Variants in PTPRK observed in about 807,000 individuals in gnomAD.
PTPRK encodes the protein protein tyrosine phosphatase receptor type K.
Under a neutral mutation model 178.0 loss-of-function variants are expected in PTPRK, and 75 were observed. The ratio of observed to expected loss-of-function variants is 0.42; its 90% CI spans 0.35 to 0.51. PTPRK has a LOEUF of 0.51. PTPRK is among the 20% of genes least tolerant of loss of function. The probability of loss-of-function intolerance (pLI) is 0.02; values close to 1 mark genes in which losing one functional copy is unlikely to be tolerated. For synonymous variants in PTPRK, 637 were observed against 620.6 expected, an observed-to-expected ratio of 1.03 and a Z score of -0.39; for missense variants, 1,441 against 1,797.8, an observed-to-expected ratio of 0.80 and a Z score of 3.59.
intron 2 of PTPRK, among the ~76,000 whole-genome samples, chr6:128,380,146 T>C (rs1254081060): frequency 6.6e-6 from 1 of 151,998 alleles, no homozygotes; most frequent in Non-Finnish European, 1.5e-5. Flanking sequence ...AAAGATGTGT[T>C]CATCAATAAC....
chr6:128,415,417 TAA>T (rs1842737867), intron 1 of PTPRK, among the ~76,000 whole-genome samples: 1 of 151,480 alleles, frequency 6.6e-6, no homozygotes, highest in South Asian at 2.1e-4. Flanking sequence ...TTTTAATGAA[TAA>T]GTTAGCTATT....
intron 1 of PTPRK, among the ~76,000 whole-genome samples, chr6:128,400,890 G>C (rs1250544529): frequency 6.6e-6 from 1 of 152,166 alleles, no homozygotes; most frequent in Non-Finnish European, 1.5e-5. Context: ...GCAGATGGCA[G>C]AACAGAAAGA....
intron 24 of PTPRK, among the ~76,000 whole-genome samples, chr6:127,982,304 G>A (rs774770008): frequency 2.6e-5 from 4 of 150,988 alleles, no homozygotes; most frequent in Non-Finnish European, 4.4e-5. Context: ...ACGGAGTCTC[G>A]CTCTGTTGCC....
At chr6:128,341,662 C>G (rs907690627) in intron 2 of PTPRK, among the ~76,000 whole-genome samples, 1 of 152,156 alleles carries the variant, frequency 6.6e-6, no homozygotes, top group African/African-American at 2.4e-5. Context: ...GAACTTGATG[C>G]TAGGAAAGGC....
intron 3 of PTPRK, among the ~76,000 whole-genome samples, chr6:128,249,649 G>A (rs184507102): frequency 3.9e-4 from 59 of 152,262 alleles, no homozygotes; most frequent in African/African-American, 1.4e-3. Flanking sequence ...GTGACCTTTG[G>A]AAGTGGTGAG....
intron 1 of PTPRK, among the ~76,000 whole-genome samples, chr6:128,424,995 A>ACAT (rs1843942078): frequency 6.6e-6 from 1 of 151,600 alleles, no homozygotes; most frequent in South Asian, 2.1e-4. Context: ...GTGTTTGATT[A>ACAT]CATGAATAAG....
chr6:128,488,033 C>T lies in PTPRK; in HGVS notation c.100+32226G>A, dbSNP rs182170651. ...AAGGTGAAGTTCCACAATAGGCCGT[C>T]TACAAGCTGAGAAGCAAGGAAGCCA... On this transcript the variant is annotated intron_variant, in intron 1 of 29. Coordinates refer to ENST00000368226, the MANE Select transcript of PTPRK (RefSeq NM_002844.4). 5.9e-5 allele frequency among the ~76,000 whole-genome samples: 9 copies of T among 152,264 alleles called. No homozygotes were observed. The East Asian group carries it at 1.5e-3, about 26-fold the overall frequency.
intron 13 of PTPRK, among the ~76,000 whole-genome samples, chr6:128,034,562 A>T (rs1775893737): frequency 6.6e-6 from 1 of 152,210 alleles, no homozygotes; most frequent in Non-Finnish European, 1.5e-5. Flanking sequence ...GGGGGAAAAA[A>T]ATCAAAAGCA....
chr6:128,456,160 G>A (rs1042280985), intron 1 of PTPRK, among the ~76,000 whole-genome samples: 27 of 151,960 alleles, frequency 1.8e-4, no homozygotes, highest in African/African-American at 6.5e-4. Context: ...TCGATACTCT[G>A]AAAATCTGCC....
At chr6:128,029,687 A>ATC (rs1554272726) in intron 13 of PTPRK, among the ~76,000 whole-genome samples, 275 of 140,156 alleles carry the variant, frequency 2.0e-3, no homozygotes, top group Non-Finnish European at 3.4e-3. Context: ...TAATAATAAT[A>ATC]ATCCAGCCTC....
At chr6:128,208,917 T>C (rs1220850706) in intron 6 of PTPRK, among the ~76,000 whole-genome samples, 1 of 152,112 alleles carries the variant, frequency 6.6e-6, no homozygotes, top group Non-Finnish European at 1.5e-5. Flanking sequence ...TGAGTTCTTC[T>C]ACAAGGCTTC....
chr6:128,241,258 G>A (rs376386960), intron 4 of PTPRK: 1 of 533,250 alleles, frequency 1.9e-6, no homozygotes, highest in African/African-American at 1.9e-5. Context: ...GAATTCTTGA[G>A]TTAGAACATG....
At chr6:128,368,913 T>C (rs780906338) in intron 2 of PTPRK, among the ~76,000 whole-genome samples, 8 of 151,534 alleles carry the variant, frequency 5.3e-5, no homozygotes, top group African/African-American at 1.2e-4. Flanking sequence ...CTCTTCACTC[T>C]ATTTAAAAAA....
At chr6:128,416,804 A>T (rs1343594631) in intron 1 of PTPRK, among the ~76,000 whole-genome samples, 1 of 151,918 alleles carries the variant, frequency 6.6e-6, no homozygotes, top group East Asian at 1.9e-4. Context: ...AGATTGCAGA[A>T]GGCCATCCAC....
chr6:128,360,493 A>G (rs1394874484), intron 2 of PTPRK, among the ~76,000 whole-genome samples: 1 of 152,212 alleles, frequency 6.6e-6, no homozygotes, highest in Non-Finnish European at 1.5e-5. Context: ...CTGCTATTAT[A>G]TAACGTCAAG....
chr6:128,289,440 A>T (rs1053750740), intron 3 of PTPRK, among the ~76,000 whole-genome samples: 5 of 152,218 alleles, frequency 3.3e-5, no homozygotes, highest in Admixed American at 1.3e-4. Context: ...AAGTATTGAA[A>T]TAGAATGTCT....
intron 11 of PTPRK, among the ~76,000 whole-genome samples, chr6:128,076,113 A>T (rs1783765570): frequency 6.6e-6 from 1 of 151,998 alleles, no homozygotes; most frequent in African/African-American, 2.4e-5. Context: ...GAAAAAATTG[A>T]GTGGAAAGTA....
At chr6:128,291,305 A>G (rs893461961) in intron 3 of PTPRK, among the ~76,000 whole-genome samples, 3 of 152,132 alleles carry the variant, frequency 2.0e-5, no homozygotes, top group African/African-American at 7.2e-5. Context: ...ACAAAAGCCA[A>G]GATTCTTTCC....
intron 7 of PTPRK, among the ~76,000 whole-genome samples, chr6:128,105,121 C>CACTTATTT (rs1238847176): frequency 1.3e-5 from 2 of 151,324 alleles, no homozygotes; most frequent in African/African-American, 4.8e-5. Flanking sequence ...CGTATTACCT[C>CACTTATTT]ACTTATTTCT....
Sources: allele counts gnomAD v4.1 joint callset (sites outside exome capture counted in the v4.1 genomes callset), GRCh38; gene constraint gnomAD v4.1.1; transcripts MANE v1.5; gene names NCBI Gene and HGNC (gene_info 2026-07-23, HGNC 2026-07-21).